The following CTNND2 variants were observed in gnomAD, a reference collection of about 807,000 sequenced individuals.
CTNND2 encodes catenin delta 2, also known as catenin delta-2.
CTNND2 carries 22 observed loss-of-function variants against 144.4 expected under a neutral mutation model. The ratio of observed to expected loss-of-function variants is 0.15; its 90% CI spans 0.11 to 0.22. The LOEUF is 0.22. Ranked by LOEUF, CTNND2 falls within the 10% of genes least tolerant of loss-of-function variation. CTNND2 has a pLI of 1.00. For synonymous variants in CTNND2, 751 were observed against 695.6 expected (o/e 1.08, Z -1.25); for missense variants, 1,353 against 1,618.8 (o/e 0.84, Z 2.82).
At chr5:11,176,503 CT>C (rs1164253564) in intron 11 of CTNND2, among the ~76,000 whole-genome samples, 1 of 152,148 alleles carries the variant, frequency 6.6e-6, no homozygotes, top group African/African-American at 2.4e-5. Context: ...TAGTCATTCA[CT>C]TTACCAAGTT....
At chr5:11,004,749 C>G (rs188651912) in intron 18 of CTNND2, among the ~76,000 whole-genome samples, 1 of 101,536 alleles carries the variant, frequency 9.8e-6, no homozygotes, top group African/African-American at 3.9e-5. Flanking sequence ...GCCTGGGCAA[C>G]AAGAGTGAAA....
At position 11,199,614 on chromosome 5, in the gene CTNND2, A is replaced by G; in HGVS notation, c.1809T>C (p.His603=). The G allele has an allele frequency of 1.2e-6, 2 of 1,614,170 alleles. No homozygotes were observed. The highest frequency in any genetic ancestry group is 8.5e-7 in the Non-Finnish European group (1 of 1,180,030). The change falls in exon 11 of 22, where the codon CAT becomes CAC. Residue 603 remains histidine (H), a synonymous_variant. Transcript: ENST00000304623. ...GIQLLVDLLD[H]RMTEVHRSAC... ...CACTACGGTGGACTTCGGTCATCCGATGATCCAACAGGTCCACCAGGAGCT... is the reference window on the plus strand; with the variant it reads ...CACTACGGTGGACTTCGGTCATCCGGTGATCCAACAGGTCCACCAGGAGCT...
At chr5:11,266,793 G>A (rs1451517584) in intron 9 of CTNND2, among the ~76,000 whole-genome samples, 1 of 152,172 alleles carries the variant, frequency 6.6e-6, no homozygotes, top group East Asian at 1.9e-4. Context: ...CTGCCATTAT[G>A]GGTTGGCTTC....
At position 11,653,881 on chromosome 5, in the gene CTNND2, C is replaced by T. The variant is rs549408143; in HGVS notation, c.174+78255G>A. Among the ~76,000 whole-genome samples, 45 of 151,972 alleles carry T rather than the reference C, an allele frequency of 3.0e-4. 2 individuals are homozygous for T. In the South Asian group the frequency reaches 9.1e-3, roughly 31 times the overall value. On this transcript the variant is annotated intron_variant, in intron 2 of 21. Transcript: ENST00000304623. ...AGAATTGTTACATTTTCAGGGCTCACATTTAATTCTTATTCCATTTTAAGT... is the reference window on the plus strand; with the variant it reads ...AGAATTGTTACATTTTCAGGGCTCATATTTAATTCTTATTCCATTTTAAGT...
At chr5:11,128,785 T>C (rs1754982589) in intron 12 of CTNND2, among the ~76,000 whole-genome samples, 2 of 42,342 alleles carry the variant, frequency 4.7e-5, no homozygotes, top group Non-Finnish European at 9.0e-5. Context: ...ATAAAATATA[T>C]AAATATATAT....
intron 11 of CTNND2, among the ~76,000 whole-genome samples, chr5:11,169,845 A>C (rs1759724360): frequency 6.6e-6 from 1 of 152,220 alleles, no homozygotes; most frequent in Non-Finnish European, 1.5e-5. Flanking sequence ...GCTTTCAAAG[A>C]AAAGCAAAGC....
intron 15 of CTNND2, among the ~76,000 whole-genome samples, chr5:11,088,215 A>G (rs1164551007): frequency 2.0e-5 from 3 of 152,298 alleles, no homozygotes; most frequent in Admixed American, 2.0e-4. Flanking sequence ...TATGAGACTC[A>G]GGCTGCCTCA....
intron 1 of CTNND2, among the ~76,000 whole-genome samples, chr5:11,836,821 G>A (rs748079406): frequency 9.2e-5 from 14 of 152,242 alleles, no homozygotes; most frequent in South Asian, 2.1e-4. Flanking sequence ...TCACAAGAGA[G>A]CTGACAAATG....
At chr5:11,503,448 G>T (rs1266468111) in intron 3 of CTNND2, among the ~76,000 whole-genome samples, 1 of 152,118 alleles carries the variant, frequency 6.6e-6, no homozygotes, top group Non-Finnish European at 1.5e-5. Context: ...GTTGACCAAG[G>T]TTTTCTTATT....
chr5:11,750,915 C>T (rs1788576744), intron 1 of CTNND2, among the ~76,000 whole-genome samples: 2 of 151,764 alleles, frequency 1.3e-5, no homozygotes, highest in Admixed American at 1.3e-4. Context: ...ACTCATACAA[C>T]ATTGTGATAT....
intron 5 of CTNND2, among the ~76,000 whole-genome samples, chr5:11,397,682 T>C (rs1760270139): frequency 6.6e-6 from 1 of 152,194 alleles, no homozygotes; most frequent in Non-Finnish European, 1.5e-5. Context: ...AATACCTCAG[T>C]GCCTGAAGGG....
chr5:11,641,250 A>C (rs1394838283), intron 2 of CTNND2, among the ~76,000 whole-genome samples: 1 of 152,118 alleles, frequency 6.6e-6, no homozygotes, highest in Non-Finnish European at 1.5e-5. Context: ...TCAAATATGA[A>C]CACTTTAACT....
intron 3 of CTNND2, among the ~76,000 whole-genome samples, chr5:11,445,836 A>C (rs972097272): frequency 6.6e-6 from 1 of 152,248 alleles, no homozygotes; most frequent in Admixed American, 6.5e-5. Context: ...CAATTTTCTA[A>C]AGTAAAATGT....
intron 10 of CTNND2, among the ~76,000 whole-genome samples, chr5:11,220,017 C>T (rs559399871): frequency 6.6e-6 from 1 of 152,140 alleles, no homozygotes; most frequent in East Asian, 1.9e-4. Context: ...TGTAAGACAA[C>T]TGAAGGGAAG....
chr5:11,269,393 T>C (rs563919414), intron 9 of CTNND2, among the ~76,000 whole-genome samples: 1 of 152,182 alleles, frequency 6.6e-6, no homozygotes, highest in Non-Finnish European at 1.5e-5. Context: ...ATAGAAATGC[T>C]AGAAAATAGT....
chr5:11,162,333 C>G (rs1758853184), intron 11 of CTNND2, among the ~76,000 whole-genome samples: 3 of 151,986 alleles, frequency 2.0e-5, no homozygotes, highest in Admixed American at 2.0e-4. Flanking sequence ...AACCTAAAGG[C>G]CAAATCTAGT....
intron 9 of CTNND2, among the ~76,000 whole-genome samples, chr5:11,270,370 AG>A (rs1745872889): frequency 6.6e-6 from 1 of 152,160 alleles, no homozygotes; most frequent in East Asian, 1.9e-4. Context: ...TTGGCTAATA[AG>A]TATTGGTGAA....
At chr5:11,337,960 T>G (rs1430002420) in intron 9 of CTNND2, among the ~76,000 whole-genome samples, 1 of 152,200 alleles carries the variant, frequency 6.6e-6, no homozygotes, top group Admixed American at 6.5e-5. Context: ...ACAGGGGATA[T>G]AGTGGACTTC....
chr5:11,441,947 C>A (rs1474923217), intron 3 of CTNND2, among the ~76,000 whole-genome samples: 1 of 152,156 alleles, frequency 6.6e-6, no homozygotes, highest in Admixed American at 6.5e-5. Context: ...AGCAAACAGG[C>A]CTGTGTGGCT....
Sources: gnomAD v4.1 joint callset for allele counts (sites outside exome capture counted in the v4.1 genomes callset) on GRCh38, gnomAD v4.1.1 for gene constraint, MANE v1.5 for transcripts, NCBI Gene and HGNC (gene_info 2026-07-23, HGNC 2026-07-21) for gene names.